Variants in PGLYRP4 observed in about 807,000 individuals in gnomAD.
PGLYRP4 encodes PGRP-I-beta.
Under a neutral mutation model 41.2 loss-of-function variants are expected in PGLYRP4, and 39 were observed. That is an observed-to-expected ratio of 0.95 (90% CI 0.73 to 1.24). The LOEUF (loss-of-function observed/expected upper bound fraction) is 1.24, where lower values mean the gene tolerates loss of function less well. PGLYRP4 is among the 50% of genes most tolerant of loss of function. The pLI is 0.00. For synonymous variants in PGLYRP4, 202 were observed against 186.8 expected, an observed-to-expected ratio of 1.08 and a Z score of -0.66; for missense variants, 467 against 460.7, an observed-to-expected ratio of 1.01 and a Z score of -0.13.
chr1:153,343,205 G>A lies in PGLYRP4; in HGVS notation c.357C>T (p.Phe119=), dbSNP rs765335903. The change falls in exon 5 of 9, where the codon TTC becomes TTT. Residue 119 remains phenylalanine (F), a synonymous_variant. Transcript: ENST00000359650. Reference sequence around the variant, plus strand: ...ACACCCTGCCATCATCCCCAACCAGGAAGCTATGGAGCAAGATAATACAGG... The same window carrying A: ...ACACCCTGCCATCATCCCCAACCAGAAAGCTATGGAGCAAGATAATACAGG... ...NNSGCDVAYN[F]LVGDDGRVYE... is the part of the protein sequence containing the mutation. The A allele has an allele frequency of 1.6e-5, 25 of 1,606,606 alleles. No individual in the cohort carries two copies. In the African/African-American group the frequency reaches 3.2e-4, roughly 21 times the overall value.
At chr1:153,338,733 C>T (rs929821448) in intron 7 of PGLYRP4, among the ~76,000 whole-genome samples, 3 of 152,206 alleles carry the variant, frequency 2.0e-5, no homozygotes, top group Non-Finnish European at 4.4e-5. Flanking sequence ...CTGCTTCCTC[C>T]TCCCACTCAA....
chr1:153,341,871 C>T (rs3006449), intron 5 of PGLYRP4, 92 bp from the exon 6 acceptor site: 1,038,039 of 1,237,830 alleles, frequency 0.84, 436,356 homozygotes, highest in Non-Finnish European at 0.85. Flanking sequence ...AGCCCCTGCA[C>T]AGCTGATGGA....
rs777356559 is a variant in PGLYRP4, at chr1:153,330,833, G to A, written c.1056C>T (p.Ala352=). Residue 352 remains alanine, a synonymous_variant, in exon 9 of 9, where the codon GCC becomes GCT. Coordinates refer to ENST00000359650, the MANE Select transcript of PGLYRP4 (RefSeq NM_020393.4). ...AAGCCTGCCCAGGAGACAAGGTTCG[G>A]GCCACATCACTGTGGCCCACCAGCA... ...NYLLVGHSDV[A]RTLSPGQALY... The A allele has an allele frequency of 6.2e-6, 10 of 1,613,858 alleles. No homozygotes were observed. Among genetic ancestry groups the A allele is most frequent in the African/African-American group, 4.0e-5 (3 of 74,850 alleles).
chr1:153,333,577 A>G (rs532990566), intron 8 of PGLYRP4, among the ~76,000 whole-genome samples: 180 of 152,064 alleles, frequency 1.2e-3, no homozygotes, highest in African/African-American at 4.1e-3. Flanking sequence ...CTACAAAGCC[A>G]CTCTTATACC....
chr1:153,338,818 C>T (rs1005724316), intron 7 of PGLYRP4, among the ~76,000 whole-genome samples: 1 of 152,176 alleles, frequency 6.6e-6, no homozygotes, highest in Non-Finnish European at 1.5e-5. Context: ...CATCCTAAAC[C>T]TCCCGTCTAC....
At position 153,337,236 on chromosome 1, in the gene PGLYRP4, G is replaced by A. The variant is rs527645886; in HGVS notation, c.888C>T (p.Ser296=). Residue 296 remains serine (S), a synonymous_variant, in exon 8 of 9, where the codon TCC becomes TCT. Coordinates refer to ENST00000359650, the MANE Select transcript of PGLYRP4 (RefSeq NM_020393.4). ...GGGCAATGTCATCGTAGCCAGGGGT[G>A]GAGGAGCCTTGGACATTCCAGCCCA... is the stretch of plus-strand genomic sequence containing the variant. ...EGVGWNVQGS[S]TPGYDDIALG... is the part of the protein sequence containing the mutation. 2 of 1,613,914 alleles carry A rather than the reference G, an allele frequency of 1.2e-6. No homozygotes were observed. The highest frequency in any genetic ancestry group is 4.5e-5 in the East Asian group (2 of 44,876).
Position 153,345,305 on chromosome 1 carries a change from T to C in PGLYRP4, c.217A>G (p.Thr73Ala). ...ATAACAAGGACATTCACTGGCGTGGTCAGCTGAATACTGCAGCCAACAGCT... is the reference window on the plus strand; with the variant it reads ...ATAACAAGGACATTCACTGGCGTGGCCAGCTGAATACTGCAGCCAACAGCT... ...AEAVGCSIQL[T>A]TPVNVLVIHH... Residue 73 changes from threonine to alanine, a missense_variant, in exon 4 of 9, where the codon ACC (threonine) becomes GCC (alanine). Transcript: ENST00000359650. 1 of 1,614,162 alleles carries C rather than the reference T, an allele frequency of 6.2e-7. No homozygotes were observed. The highest frequency in any genetic ancestry group is 8.5e-7 in the Non-Finnish European group (1 of 1,180,016).
chr1:153,335,048 G>A (rs577741972), intron 8 of PGLYRP4, among the ~76,000 whole-genome samples: 2 of 152,220 alleles, frequency 1.3e-5, no homozygotes, highest in South Asian at 2.1e-4. Flanking sequence ...ATTAACTCAA[G>A]ATGGATTAAA....
At chr1:153,340,342 C>G (rs748501398) in intron 7 of PGLYRP4, 39 bp downstream of exon 7, 3 of 1,581,484 alleles carry the variant, frequency 1.9e-6, no homozygotes, top group Admixed American at 1.7e-5. Context: ...GTTTCTGCCC[C>G]CAAGGGAAAA....
intron 2 of PGLYRP4, among the ~76,000 whole-genome samples, chr1:153,347,359 T>C (rs1204923079): frequency 6.6e-6 from 1 of 150,610 alleles, no homozygotes; most frequent in Non-Finnish European, 1.5e-5. Context: ...GGGTTTGTTT[T>C]TGTTTGTTTG....
Position 153,343,122 on chromosome 1 carries a change from G to C in PGLYRP4, c.440C>G (p.Ser147Cys). ...AGTGCCAAAGAAGGCAAAGCCCAGG[G>C]AGATGTTGTTGTAGCCTTGGGTGTG... is the stretch of plus-strand genomic sequence containing the variant. The part of the protein sequence containing the change: ...GVHTQGYNNI[S>C]LGFAFFGTKK... The change falls in exon 5 of 9, where the codon TCC becomes TGC. Residue 147 changes from serine to cysteine, a missense_variant. Transcript: ENST00000359650. 2 of 1,613,186 alleles carry C rather than the reference G, an allele frequency of 1.2e-6. No homozygotes were observed. Among genetic ancestry groups the C allele is most frequent in the Non-Finnish European group, 1.7e-6 (2 of 1,179,122 alleles).
chr1:153,335,422 CA>C (rs1660513624), intron 8 of PGLYRP4, among the ~76,000 whole-genome samples: 1 of 151,998 alleles, frequency 6.6e-6, no homozygotes, highest in African/African-American at 2.4e-5. Context: ...TGCTAGCAGC[CA>C]AAAACCATGA....
chr1:153,337,375 T>A, intron 7 of PGLYRP4, 76 bp from the exon 8 acceptor site: 4 of 872,426 alleles, frequency 4.6e-6, no homozygotes, highest in Non-Finnish European at 7.3e-6. Context: ...ATTAATTTAT[T>A]CATGTCTTTA....
Position 153,347,991 on chromosome 1 carries a change from C to A in PGLYRP4, c.-46-13G>T. The A allele has an allele frequency of 2.9e-6, 4 of 1,380,282 alleles. No homozygotes were observed. The highest frequency in any genetic ancestry group is 4.1e-6 in the Non-Finnish European group (4 of 975,364). 85.5% of individuals were successfully genotyped at this position (1,380,282 alleles called of 1,614,324 possible). Reference sequence around the variant, plus strand: ...TGTGGATGGCAGCCTGAGAGAGACGCTGACAGTTGTTAACATGACCATTCT... The same window carrying A: ...TGTGGATGGCAGCCTGAGAGAGACGATGACAGTTGTTAACATGACCATTCT... On this transcript the variant is annotated splice_polypyrimidine_tract_variant and intron_variant, in intron 1 of 8. Coordinates refer to ENST00000359650, the MANE Select transcript of PGLYRP4 (RefSeq NM_020393.4).
chr1:153,339,741 A>G (rs957428378), intron 7 of PGLYRP4, among the ~76,000 whole-genome samples: 42 of 149,824 alleles, frequency 2.8e-4, no homozygotes, highest in African/African-American at 9.6e-4. Context: ...GTGTCACAGA[A>G]TTTTGAGACC....
At position 153,330,867 on chromosome 1, in the gene PGLYRP4, G is replaced by A; in HGVS notation, c.1022C>T (p.Pro341Leu). The change falls in exon 9 of 9, where the codon CCC (proline) becomes CTC (leucine). Residue 341 changes from proline (P) to leucine (L), a missense_variant. Transcript: ENST00000359650. ...ACTGTGGCCCACCAGCAGGTAGTTG[G>A]GAGTCAGGTACCCTTTGACCATGGC... ...QCAMVKGYLT[P>L]NYLLVGHSDV... The A allele has an allele frequency of 6.2e-7, 1 of 1,613,990 alleles. No homozygotes were observed. The highest frequency in any genetic ancestry group is 1.1e-5 in the South Asian group (1 of 91,074).
At chr1:153,335,632 G>A (rs537775113) in intron 8 of PGLYRP4, among the ~76,000 whole-genome samples, 4 of 150,052 alleles carry the variant, frequency 2.7e-5, no homozygotes, top group East Asian at 3.9e-4. Context: ...GGCTGAGGCA[G>A]GAGAATTGCT....
intron 8 of PGLYRP4, among the ~76,000 whole-genome samples, chr1:153,334,039 A>G (rs1435387976): frequency 6.6e-6 from 1 of 152,160 alleles, no homozygotes; most frequent in African/African-American, 2.4e-5. Flanking sequence ...TATTCAACAC[A>G]GTATTGAAGA....
chr1:153,346,243 T>C (rs770465460), intron 2 of PGLYRP4, 52 bp from the exon 3 acceptor site: 1 of 1,350,422 alleles, frequency 7.4e-7, no homozygotes, highest in South Asian at 1.2e-5. Flanking sequence ...CCAGCCATCA[T>C]GGTGGCACCA....
Sources: gnomAD v4.1 joint callset for allele counts (sites outside exome capture counted in the v4.1 genomes callset) on GRCh38, gnomAD v4.1.1 for gene constraint, MANE v1.5 for transcripts, NCBI Gene and HGNC (gene_info 2026-07-23, HGNC 2026-07-21) for gene names.